The following MED21 variants were observed in gnomAD, a reference collection of about 807,000 sequenced individuals.
MED21 encodes the protein mediator complex subunit 21.
In MED21, 9 loss-of-function variants were observed where a neutral mutation model predicts 18.2. The observed-to-expected ratio is 0.49, with a 90% CI of 0.30 to 0.86. MED21 has a LOEUF of 0.86. Ranked by LOEUF, MED21 falls within the 40% of genes least tolerant of loss-of-function variation. The pLI is 0.07. For missense variants in MED21, 150 were observed against 170.9 expected (o/e 0.88, Z 0.68); for synonymous variants, 73 against 60.5 (o/e 1.21, Z -0.96).
chr12:27,029,172 C>T lies in MED21; in HGVS notation c.*711C>T. 1 of 985,306 alleles carries T rather than the reference C, an allele frequency of 1.0e-6. No homozygotes were observed. Among genetic ancestry groups the T allele is most frequent in the South Asian group, 4.7e-5 (1 of 21,284 alleles). 61.0% of individuals were successfully genotyped at this position (985,306 alleles called of 1,614,324 possible). On this transcript the variant is annotated 3_prime_UTR_variant, in exon 4 of 4. Coordinates refer to ENST00000282892, the MANE Select transcript of MED21 (RefSeq NM_004264.5). ...TTCATCCTTAATTTGCTTGTCATCA[C>T]AATGAAGTATGTTTTTTGAATCATC...
chr12:27,027,007 C>T (rs897743751), intron 2 of MED21, among the ~76,000 whole-genome samples: 2 of 152,092 alleles, frequency 1.3e-5, no homozygotes, highest in Non-Finnish European at 2.9e-5. Flanking sequence ...TGGCTCACTG[C>T]AACTTTCGCC....
chr12:27,033,000 T>C (rs1941629620), downstream of MED21, among the ~76,000 whole-genome samples: 1 of 152,182 alleles, frequency 6.6e-6, no homozygotes, highest in South Asian at 2.1e-4. Context: ...CGTTAGTTTT[T>C]TTCTAGCCTG....
At chr12:27,026,322 G>C in intron 1 of MED21, 98 bp from the exon 2 acceptor site, 1 of 687,880 alleles carries the variant, frequency 1.5e-6, no homozygotes, top group Non-Finnish European at 2.5e-6. Context: ...CTTGCTCAGA[G>C]ATTATCATTA....
chr12:27,023,487 G>C (rs1172706326), intron 1 of MED21, among the ~76,000 whole-genome samples: 1 of 151,836 alleles, frequency 6.6e-6, no homozygotes, highest in African/African-American at 2.4e-5. Flanking sequence ...AGTAGAGACG[G>C]GGTTTCACCA....
intron 2 of MED21, among the ~76,000 whole-genome samples, chr12:27,026,963 C>G (rs1022199388): frequency 1.3e-5 from 2 of 152,034 alleles, no homozygotes; most frequent in African/African-American, 2.4e-5. Context: ...GAGTCTCGCT[C>G]TGTCACCTAG....
At position 27,028,495 on chromosome 12, in the gene MED21, T is replaced by C; in HGVS notation, c.*34T>C. 1.3e-6 allele frequency: 2 copies of C among 1,587,950 alleles called. No individual in the cohort carries two copies. The highest frequency in any genetic ancestry group is 1.7e-6 in the Non-Finnish European group (2 of 1,163,878). On this transcript the variant is annotated 3_prime_UTR_variant, in exon 4 of 4. Transcript: ENST00000282892. ...GATACCATGTGGCTGAGAAAAGAAC[T>C]GTTTGAGTGCCATTAAGAATTCTGC...
chr12:27,023,140 G>A (rs1465414786), intron 1 of MED21, among the ~76,000 whole-genome samples: 1 of 151,968 alleles, frequency 6.6e-6, no homozygotes, highest in Non-Finnish European at 1.5e-5. Flanking sequence ...TGAGGTGAGA[G>A]ATTTTCTTTC....
At chr12:27,036,913 G>T (rs921519850) in intron 2 of MED21, among the ~76,000 whole-genome samples, 1 of 152,214 alleles carries the variant, frequency 6.6e-6, no homozygotes, top group African/African-American at 2.4e-5. Flanking sequence ...GATTGACTTG[G>T]AGATGTGGGT....
chr12:27,026,941 T>G (rs561962674), intron 2 of MED21, among the ~76,000 whole-genome samples: 1 of 152,360 alleles, frequency 6.6e-6, no homozygotes, highest in Admixed American at 6.5e-5. Context: ...TCTTCTTTTT[T>G]TTTTTGAGAC....
In MED21 at chr12:27,029,403, A is replaced by G; in HGVS notation, c.*942A>G. On this transcript the variant is annotated 3_prime_UTR_variant, in exon 4 of 4. Transcript: ENST00000282892. ...TTCATCCAACCCTTGGATCTCTTTG[A>G]GTCTACTGATAATCTCCACTGGAAA... 1 of 985,364 alleles carries G rather than the reference A, an allele frequency of 1.0e-6. No individual in the cohort carries two copies. 61.0% of individuals were successfully genotyped at this position (985,364 alleles called of 1,614,324 possible). A position where few individuals can be genotyped will look rare whatever the true frequency, so the allele number is the denominator to read the frequency against.
intron 1 of MED21, among the ~76,000 whole-genome samples, chr12:27,025,040 C>T (rs1461522812): frequency 6.6e-6 from 1 of 152,146 alleles, no homozygotes; most frequent in Admixed American, 6.5e-5. Flanking sequence ...ATATGCAGTA[C>T]TTTAGTTATT....
chr12:27,022,916 C>G, intron 1 of MED21: 1 of 1,288,244 alleles, frequency 7.8e-7, no homozygotes, highest in South Asian at 1.5e-5. Flanking sequence ...TGTCGTGTTC[C>G]CTGAGGACAG....
rs1941591690 is a variant in MED21, at chr12:27,029,669, A to G, written c.*1208A>G. ...CAGCGTTAGCTGTAAAAGTTGCAGCAATTTATTGGCTAGTCATAGAAAATT... is the reference window on the plus strand; with the variant it reads ...CAGCGTTAGCTGTAAAAGTTGCAGCGATTTATTGGCTAGTCATAGAAAATT... On this transcript the variant is annotated 3_prime_UTR_variant, in exon 4 of 4. Transcript: ENST00000282892. 1 of 985,462 alleles carries G rather than the reference A, an allele frequency of 1.0e-6. No individual in the cohort carries two copies. Among genetic ancestry groups the G allele is most frequent in the Non-Finnish European group, 1.2e-6 (1 of 829,928 alleles). 61.0% of individuals were successfully genotyped at this position (985,462 alleles called of 1,614,324 possible). A position where few individuals can be genotyped will look rare whatever the true frequency, so the allele number is the denominator to read the frequency against.
At chr12:27,035,001 C>T (rs1941640570), downstream of MED21, among the ~76,000 whole-genome samples, 1 of 152,056 alleles carries the variant, frequency 6.6e-6, no homozygotes, top group African/African-American at 2.4e-5. Context: ...TCCGCCTGCC[C>T]CTGGCCTCCC....
At chr12:27,034,679 G>C (rs896961779), downstream of MED21, among the ~76,000 whole-genome samples, 2 of 152,082 alleles carry the variant, frequency 1.3e-5, no homozygotes, top group Non-Finnish European at 2.9e-5. Context: ...GGGCTCAACC[G>C]ATCTGCCCAT....
downstream of MED21, among the ~76,000 whole-genome samples, chr12:27,033,471 A>G (rs138456623): frequency 1.3e-5 from 2 of 152,334 alleles, no homozygotes; most frequent in East Asian, 3.9e-4. Flanking sequence ...TGGGAGGGAT[A>G]CAAGCATTCA....
chr12:27,035,167 C>T (rs1030473590), downstream of MED21, among the ~76,000 whole-genome samples: 1 of 152,152 alleles, frequency 6.6e-6, no homozygotes, highest in African/African-American at 2.4e-5. Context: ...GATCATGACA[C>T]CACACACCAG....
intron 1 of MED21, among the ~76,000 whole-genome samples, chr12:27,024,324 T>G (rs911222159): frequency 6.6e-6 from 1 of 152,088 alleles, no homozygotes; most frequent in Non-Finnish European, 1.5e-5. Flanking sequence ...AGCTAATAAC[T>G]TGGCATTTTT....
At position 27,029,665 on chromosome 12, in the gene MED21, C is replaced by T. The variant is rs1220002610; in HGVS notation, c.*1204C>T. ...ACACCAGCGTTAGCTGTAAAAGTTGCAGCAATTTATTGGCTAGTCATAGAA... is the reference window on the plus strand; with the variant it reads ...ACACCAGCGTTAGCTGTAAAAGTTGTAGCAATTTATTGGCTAGTCATAGAA... On this transcript the variant is annotated 3_prime_UTR_variant, in exon 4 of 4. Transcript: ENST00000282892. 2.0e-6 allele frequency: 2 copies of T among 985,266 alleles called. No individual in the cohort carries two copies. The highest frequency in any genetic ancestry group is 5.2e-4 in the Middle Eastern group (1 of 1,936). The allele number at this position is 985,266 out of a possible 1,614,324, so 61.0% of individuals were successfully genotyped here.
Sources: gnomAD v4.1 joint callset for allele counts (sites outside exome capture counted in the v4.1 genomes callset) on GRCh38, gnomAD v4.1.1 for gene constraint, MANE v1.5 for transcripts, NCBI Gene and HGNC (gene_info 2026-07-23, HGNC 2026-07-21) for gene names.